The following CACNA2D1 variants were observed in gnomAD, a reference collection of about 807,000 sequenced individuals.
CACNA2D1 encodes voltage-dependent calcium channel subunit alpha-2/delta-1.
A neutral mutation model predicts 171.5 loss-of-function variants in CACNA2D1; 53 were observed. The observed-to-expected ratio is 0.31, with a 90% CI of 0.25 to 0.39. CACNA2D1 has a LOEUF of 0.39. Ranked by LOEUF, CACNA2D1 falls within the 10% of genes least tolerant of loss-of-function variation. The probability of loss-of-function intolerance (pLI) is 1.00; values close to 1 mark genes in which losing one functional copy is unlikely to be tolerated. For missense variants in CACNA2D1, 903 were observed against 1,299.8 expected (o/e 0.69, Z 4.69); for synonymous variants, 442 against 443.1 (o/e 1.00, Z 0.03).
chr7:82,344,364 C>T (rs1293706627), intron 2 of CACNA2D1, among the ~76,000 whole-genome samples: 1 of 152,186 alleles, frequency 6.6e-6, no homozygotes. Flanking sequence ...AGAACCATTG[C>T]ACTAAATATA....
chr7:82,173,972 G>A (rs1796297792), intron 3 of CACNA2D1, among the ~76,000 whole-genome samples: 1 of 136,514 alleles, frequency 7.3e-6, no homozygotes, highest in African/African-American at 2.8e-5. Flanking sequence ...GAATCCAGGA[G>A]TTCAAAGTTA....
chr7:82,040,321 TAGAGA>T (rs1375487843), intron 10 of CACNA2D1, among the ~76,000 whole-genome samples: 1 of 151,858 alleles, frequency 6.6e-6, no homozygotes, highest in Non-Finnish European at 1.5e-5. Context: ...AATTGAGGAA[TAGAGA>T]AGAGAAGCAC....
intron 1 of CACNA2D1, among the ~76,000 whole-genome samples, chr7:82,433,605 G>C (rs1829892336): frequency 6.6e-6 from 1 of 152,072 alleles, no homozygotes; most frequent in African/African-American, 2.4e-5. Flanking sequence ...TTCCTCACCT[G>C]CCTCTATCAG....
intron 32 of CACNA2D1, among the ~76,000 whole-genome samples, chr7:81,965,046 A>T (rs1256989011): frequency 1.1e-4 from 16 of 151,914 alleles, no homozygotes; most frequent in Non-Finnish European, 2.1e-4. Flanking sequence ...TAAAGGGGCA[A>T]TCATGAGTGA....
At chr7:82,356,493 C>T (rs1036871621) in intron 1 of CACNA2D1, among the ~76,000 whole-genome samples, 1 of 152,166 alleles carries the variant, frequency 6.6e-6, no homozygotes, top group Non-Finnish European at 1.5e-5. Flanking sequence ...TTTAATTGTG[C>T]TGTGCGCTTA....
intron 2 of CACNA2D1, among the ~76,000 whole-genome samples, chr7:82,337,838 T>C (rs987997188): frequency 5.3e-5 from 8 of 152,176 alleles, no homozygotes; most frequent in Non-Finnish European, 1.2e-4. Flanking sequence ...AAGTTGAAGT[T>C]CTCCTGCTGC....
intron 10 of CACNA2D1, among the ~76,000 whole-genome samples, chr7:82,038,863 G>A (rs1177083597): frequency 6.6e-6 from 1 of 152,094 alleles, no homozygotes; most frequent in Non-Finnish European, 1.5e-5. Context: ...GAGAGGCTGT[G>A]GGAGAGAAAA....
At chr7:82,384,747 T>C (rs1824135087) in intron 1 of CACNA2D1, among the ~76,000 whole-genome samples, 1 of 152,220 alleles carries the variant, frequency 6.6e-6, no homozygotes, top group Non-Finnish European at 1.5e-5. Flanking sequence ...CTTGTTTGTC[T>C]TGTATATAAA....
intron 1 of CACNA2D1, among the ~76,000 whole-genome samples, chr7:82,379,499 A>C (rs1053682015): frequency 6.6e-6 from 1 of 152,166 alleles, no homozygotes; most frequent in South Asian, 2.1e-4. Context: ...AGAAAAAATG[A>C]TTATTTTTAT....
intron 3 of CACNA2D1, among the ~76,000 whole-genome samples, chr7:82,316,693 G>A (rs1395339556): frequency 4.6e-5 from 7 of 152,164 alleles, no homozygotes; most frequent in African/African-American, 1.4e-4. Context: ...AAGAAAAGAG[G>A]TTTAATGGAC....
chr7:82,141,083 A>G (rs1025274107), intron 4 of CACNA2D1, among the ~76,000 whole-genome samples: 1 of 152,140 alleles, frequency 6.6e-6, no homozygotes, highest in Admixed American at 6.6e-5. Context: ...TTGGAGAAGC[A>G]GTCATTCTCT....
At chr7:82,109,554 G>C (rs1237137962) in intron 6 of CACNA2D1, among the ~76,000 whole-genome samples, 1 of 152,070 alleles carries the variant, frequency 6.6e-6, no homozygotes, top group East Asian at 1.9e-4. Context: ...AGAACAATTG[G>C]TTGAAAGCCT....
At chr7:82,325,901 A>G (rs528434174) in intron 3 of CACNA2D1, among the ~76,000 whole-genome samples, 75 of 152,242 alleles carry the variant, frequency 4.9e-4, no homozygotes, top group Admixed American at 2.9e-3. Flanking sequence ...TGTTCTCCCC[A>G]TGTCTGGATA....
At chr7:82,373,148 C>T (rs1001816474) in intron 1 of CACNA2D1, among the ~76,000 whole-genome samples, 1 of 152,108 alleles carries the variant, frequency 6.6e-6, no homozygotes, top group Non-Finnish European at 1.5e-5. Flanking sequence ...CATGCTACTG[C>T]ACTCCAGCCA....
At chr7:82,275,121 T>G (rs541519046) in intron 3 of CACNA2D1, among the ~76,000 whole-genome samples, 55 of 152,262 alleles carry the variant, frequency 3.6e-4, no homozygotes, top group Non-Finnish European at 6.0e-4. Context: ...GCTTTTTCCA[T>G]CAAGCAGCCA....
At chr7:82,073,648 G>A (rs1031133780) in intron 7 of CACNA2D1, among the ~76,000 whole-genome samples, 6 of 152,048 alleles carry the variant, frequency 3.9e-5, no homozygotes, top group Non-Finnish European at 7.4e-5. Context: ...TTGCCCAGGC[G>A]TGAGTGCAAT....
chr7:82,344,436 T>C (rs185309934), intron 2 of CACNA2D1, among the ~76,000 whole-genome samples: 1 of 151,998 alleles, frequency 6.6e-6, no homozygotes, highest in Admixed American at 6.5e-5. Flanking sequence ...TCAGAAAATG[T>C]TAATTAACGG....
At chr7:82,321,129 T>C (rs540638057) in intron 3 of CACNA2D1, among the ~76,000 whole-genome samples, 41 of 152,258 alleles carry the variant, frequency 2.7e-4, no homozygotes, top group African/African-American at 8.7e-4. Flanking sequence ...CTGGGCGCAA[T>C]GGCTCACGCC....
chr7:82,246,262 TAG>T (rs1261887361), intron 3 of CACNA2D1, among the ~76,000 whole-genome samples: 7 of 151,382 alleles, frequency 4.6e-5, no homozygotes, highest in South Asian at 2.1e-4. Context: ...TATGCATATG[TAG>T]AGATACTAAT....
Sources: allele counts gnomAD v4.1 joint callset (sites outside exome capture counted in the v4.1 genomes callset), GRCh38; gene constraint gnomAD v4.1.1; transcripts MANE v1.5; gene names NCBI Gene and HGNC (gene_info 2026-07-23, HGNC 2026-07-21).